EFNA5: variants seen among roughly 807,000 people sequenced by gnomAD.
EFNA5 encodes ephrin A5.
In EFNA5, 5 loss-of-function variants were observed where a neutral mutation model predicts 22.9. That is an observed-to-expected ratio of 0.22 (90% confidence interval 0.11 to 0.46). The LOEUF is 0.46. Among genes scored for constraint, EFNA5 ranks in the 20% least tolerant of loss-of-function variants. The probability of loss-of-function intolerance (pLI) is 0.99; values close to 1 mark genes in which losing one functional copy is unlikely to be tolerated. For synonymous variants in EFNA5, 113 were observed against 112.2 expected (o/e 1.01, Z -0.04); for missense variants, 237 against 293.3 (o/e 0.81, Z 1.40).
chr5:107,489,996 G>A (rs184432263), intron 1 of EFNA5, among the ~76,000 whole-genome samples: 53 of 152,294 alleles, frequency 3.5e-4, no homozygotes, highest in Non-Finnish European at 6.6e-4. Context: ...AACCCAGGGT[G>A]GGTGGATCTC....
Position 107,433,017 on chromosome 5 carries a change from A to G in EFNA5, c.126-5508T>C, listed in dbSNP as rs181985204. Among the ~76,000 whole-genome samples the G allele has an allele frequency of 2.4e-3, 360 of 152,352 alleles. 2 individuals are homozygous for G. The highest frequency in any genetic ancestry group is 8.4e-3 in the African/African-American group (348 of 41,582). On this transcript the variant is annotated intron_variant, in intron 1 of 4. Transcript: ENST00000333274. Reference sequence around the variant, plus strand: ...TTTCTTTTCTTGAGCTTACTTGATTATAAGAATATAGTATATATGTTTAAC... The same window carrying G: ...TTTCTTTTCTTGAGCTTACTTGATTGTAAGAATATAGTATATATGTTTAAC...
At chr5:107,658,945 C>G (rs1354394589) in intron 1 of EFNA5, among the ~76,000 whole-genome samples, 1 of 152,124 alleles carries the variant, frequency 6.6e-6, no homozygotes, top group Non-Finnish European at 1.5e-5. Context: ...AGAACAGTAC[C>G]TGGCCCACAG....
chr5:107,568,346 G>C (rs1186014648), intron 1 of EFNA5, among the ~76,000 whole-genome samples: 1 of 152,208 alleles, frequency 6.6e-6, no homozygotes, highest in Non-Finnish European at 1.5e-5. Context: ...ATCGTGGGGA[G>C]AGAACAACCC....
intron 2 of EFNA5, among the ~76,000 whole-genome samples, chr5:107,400,252 G>A (rs1394165706): frequency 1.3e-5 from 2 of 149,504 alleles, no homozygotes; most frequent in East Asian, 3.9e-4. Context: ...ATCTGAATAG[G>A]CTAAATTTGA....
chr5:107,427,156 T>A (rs1561381246), intron 2 of EFNA5, 61 bp downstream of exon 2: 1 of 1,585,816 alleles, frequency 6.3e-7, no homozygotes, highest in South Asian at 1.1e-5. Flanking sequence ...GAAACATGGG[T>A]AAAAAATTAG....
At chr5:107,442,397 G>A (rs1749279338) in intron 1 of EFNA5, among the ~76,000 whole-genome samples, 1 of 152,090 alleles carries the variant, frequency 6.6e-6, no homozygotes, top group Non-Finnish European at 1.5e-5. Context: ...ACCTATAGAT[G>A]TCATTCAAAA....
chr5:107,572,811 T>G (rs1833812), intron 1 of EFNA5, among the ~76,000 whole-genome samples: 3 of 152,098 alleles, frequency 2.0e-5, no homozygotes, highest in East Asian at 3.9e-4. Context: ...TTGTCATTTT[T>G]GTTGCTGTTG....
chr5:107,490,911 T>C (rs577972484), intron 1 of EFNA5, among the ~76,000 whole-genome samples: 30 of 152,356 alleles, frequency 2.0e-4, no homozygotes, highest in African/African-American at 7.0e-4. Flanking sequence ...CTGCTCATTA[T>C]ATATTTAAAA....
At chr5:107,427,129 GCT>G (rs1223911985) in intron 2 of EFNA5, 86 bp downstream of exon 2, 1 of 1,418,806 alleles carries the variant, frequency 7.0e-7, no homozygotes, top group African/African-American at 1.4e-5. Context: ...GCAGAGTCCA[GCT>G]CTCTGCAATT....
chr5:107,630,958 C>G (rs1482131728), intron 1 of EFNA5, among the ~76,000 whole-genome samples: 1 of 152,164 alleles, frequency 6.6e-6, no homozygotes, highest in Admixed American at 6.5e-5. Flanking sequence ...TCTTCCCCCT[C>G]CACATCTTGT....
chr5:107,605,654 G>T (rs933541040), intron 1 of EFNA5, among the ~76,000 whole-genome samples: 7 of 151,396 alleles, frequency 4.6e-5, no homozygotes, highest in Admixed American at 1.3e-4. Flanking sequence ...TTTTTTTGGG[G>T]TGCAAAAGTG....
At chr5:107,524,608 T>C (rs1747658518) in intron 1 of EFNA5, among the ~76,000 whole-genome samples, 1 of 152,286 alleles carries the variant, frequency 6.6e-6, no homozygotes, top group African/African-American at 2.4e-5. Flanking sequence ...ATACTGAATA[T>C]AGGAGAAAAC....
chr5:107,493,164 T>C (rs867640099), intron 1 of EFNA5, among the ~76,000 whole-genome samples: 1 of 152,084 alleles, frequency 6.6e-6, no homozygotes, highest in African/African-American at 2.4e-5. Context: ...ATAATTACTT[T>C]TATTTGTTCA....
intron 1 of EFNA5, among the ~76,000 whole-genome samples, chr5:107,488,301 T>C (rs1250627770): frequency 6.6e-6 from 1 of 152,274 alleles, no homozygotes; most frequent in African/African-American, 2.4e-5. Context: ...TTTATTTTTG[T>C]AAATTTCTTA....
chr5:107,399,329 G>GGAAAGGAAAGGAAAGGAAAGGAAAC (rs1748022713), intron 2 of EFNA5, among the ~76,000 whole-genome samples: 1 of 140,796 alleles, frequency 7.1e-6, no homozygotes, highest in Non-Finnish European at 1.5e-5. Flanking sequence ...GGAAAGGAAA[G>GGAAAGGAAAGGAAAGGAAAGGAAAC]GAAAGGAAAG....
At chr5:107,499,532 T>C (rs1747084702) in intron 1 of EFNA5, among the ~76,000 whole-genome samples, 2 of 152,242 alleles carry the variant, frequency 1.3e-5, no homozygotes, top group African/African-American at 2.4e-5. Context: ...AGGGCTGTCA[T>C]TGTTTTCTTT....
At chr5:107,576,180 G>T (rs10044934) in intron 1 of EFNA5, among the ~76,000 whole-genome samples, 32,616 of 151,880 alleles carry the variant, frequency 0.21, 4,819 homozygotes, top group African/African-American at 0.42. Context: ...TTCCTACAGT[G>T]TTCTCACAGA....
intron 2 of EFNA5, among the ~76,000 whole-genome samples, chr5:107,420,546 AAAAAAAAG>A (rs1748628143): frequency 1.9e-5 from 2 of 105,514 alleles, no homozygotes; most frequent in South Asian, 9.1e-4. Context: ...AAAAAGAAAA[AAAAAAAAG>A]AAAAAAAACA....
At chr5:107,538,589 C>T (rs1747974813) in intron 1 of EFNA5, among the ~76,000 whole-genome samples, 2 of 152,146 alleles carry the variant, frequency 1.3e-5, no homozygotes, top group Non-Finnish European at 2.9e-5. Flanking sequence ...ACAAGCAAAG[C>T]TGACAAGGGG....
Sources: allele counts gnomAD v4.1 joint callset (sites outside exome capture counted in the v4.1 genomes callset), GRCh38; gene constraint gnomAD v4.1.1; transcripts MANE v1.5; gene names NCBI Gene and HGNC (gene_info 2026-07-23, HGNC 2026-07-21).